Variants in GAREM1 observed in about 807,000 individuals in gnomAD.
GAREM1 encodes the protein GRB2 associated regulator of MAPK1 subtype 1, also known as GRB2-associated and regulator of MAPK protein 1.
A neutral mutation model predicts 71.3 loss-of-function variants in GAREM1; 26 were observed. That is an observed-to-expected ratio of 0.36 (90% CI 0.27 to 0.51). GAREM1 has a LOEUF of 0.51. Among genes scored for constraint, GAREM1 ranks in the 20% least tolerant of loss-of-function variants. The probability of loss-of-function intolerance (pLI) is 0.95; values close to 1 mark genes in which losing one functional copy is unlikely to be tolerated. For synonymous variants in GAREM1, 440 were observed against 433.2 expected (o/e 1.02, Z -0.20); for missense variants, 1,026 against 1,103.1 (o/e 0.93, Z 0.99).
chr18:32,399,619 A>G (rs962302348), intron 1 of GAREM1, among the ~76,000 whole-genome samples: 1 of 152,104 alleles, frequency 6.6e-6, no homozygotes. Flanking sequence ...TTAGAAGGGA[A>G]GTGAAGGACC....
At chr18:32,450,048 C>G (rs970906072) in intron 1 of GAREM1, among the ~76,000 whole-genome samples, 1 of 152,168 alleles carries the variant, frequency 6.6e-6, no homozygotes, top group African/African-American at 2.4e-5. Context: ...TAACTACCTC[C>G]CTTTGCCAGT....
chr18:32,398,917 G>A (rs1294268302), intron 1 of GAREM1, among the ~76,000 whole-genome samples: 1 of 152,196 alleles, frequency 6.6e-6, no homozygotes, highest in Non-Finnish European at 1.5e-5. Context: ...AAAATCCTCA[G>A]TAAAATACTG....
At chr18:32,280,404 AG>A in intron 4 of GAREM1, among the ~76,000 whole-genome samples, 1 of 152,298 alleles carries the variant, frequency 6.6e-6, no homozygotes, top group Non-Finnish European at 1.5e-5. Flanking sequence ...AGCCCGAGGA[AG>A]GGAGTCAGTT....
intron 3 of GAREM1, among the ~76,000 whole-genome samples, chr18:32,301,512 C>T (rs2047201956): frequency 8.2e-6 from 1 of 121,788 alleles, no homozygotes; most frequent in Admixed American, 7.5e-5. Context: ...CACATGTGCT[C>T]TGAGTTCCTG....
chr18:32,419,965 G>A (rs893689962), intron 1 of GAREM1, among the ~76,000 whole-genome samples: 1 of 152,164 alleles, frequency 6.6e-6, no homozygotes, highest in Non-Finnish European at 1.5e-5. Context: ...CCTAAGGTGA[G>A]TGGAAGAGCC....
chr18:32,430,331 A>G (rs2144255834), intron 1 of GAREM1, among the ~76,000 whole-genome samples: 1 of 152,346 alleles, frequency 6.6e-6, no homozygotes, highest in African/African-American at 2.4e-5. Flanking sequence ...GTAGTTTTAG[A>G]AACAGTGTTT....
At chr18:32,457,288 T>G (rs965494473) in intron 1 of GAREM1, among the ~76,000 whole-genome samples, 2 of 150,428 alleles carry the variant, frequency 1.3e-5, no homozygotes, top group Non-Finnish European at 3.0e-5. Flanking sequence ...AATCAAAATG[T>G]TGGTGGTTAT....
At chr18:32,446,942 C>T (rs1355895926) in intron 1 of GAREM1, among the ~76,000 whole-genome samples, 1 of 152,188 alleles carries the variant, frequency 6.6e-6, no homozygotes, top group African/African-American at 2.4e-5. Flanking sequence ...AGTAACTGAG[C>T]AGCAGTATCT....
Position 32,464,761 on chromosome 18 carries a change from C to A in GAREM1, c.121+5547G>T, listed in dbSNP as rs184564453. Among the ~76,000 whole-genome samples, 20 of 131,510 alleles carry A rather than the reference C, an allele frequency of 1.5e-4. No homozygotes were observed. The East Asian group carries it at 2.7e-3, about 18-fold the overall frequency. The allele number at this position is 131,510 out of a possible 152,430, so 86.3% of individuals were successfully genotyped here. ...TGCTATACTCTGAAGCCTCCCTCAA[C>A]TGATCCGTATCTACTACAGCCATCT... On this transcript the variant is annotated intron_variant, in intron 1 of 5. Coordinates refer to ENST00000269209, the MANE Select transcript of GAREM1 (RefSeq NM_001242409.2).
At position 32,456,839 on chromosome 18, in the gene GAREM1, G is replaced by A. The variant is rs17811840; in HGVS notation, c.121+13469C>T. On this transcript the variant is annotated intron_variant, in intron 1 of 5. Transcript: ENST00000269209. ...AAAAGAATGAGTATTTTCACATCAC[G>A]GAATATTATGCAGTTGTTATGAATT... 9.3e-4 allele frequency among the ~76,000 whole-genome samples: 142 copies of A among 152,054 alleles called. 1 individual carries two copies. In the East Asian group the frequency reaches 0.017, roughly 18 times the overall value.
At chr18:32,273,224 C>T (rs1331171881) in intron 4 of GAREM1, among the ~76,000 whole-genome samples, 1 of 152,178 alleles carries the variant, frequency 6.6e-6, no homozygotes, top group Non-Finnish European at 1.5e-5. Context: ...ATGCTGGATT[C>T]AATTTAGCAC....
chr18:32,426,254 C>T (rs1304793741), intron 1 of GAREM1, among the ~76,000 whole-genome samples: 2 of 151,900 alleles, frequency 1.3e-5, no homozygotes, highest in African/African-American at 4.8e-5. Flanking sequence ...CTCCTGACCT[C>T]GTGATCCACC....
At chr18:32,313,078 T>C (rs2047339699) in intron 2 of GAREM1, among the ~76,000 whole-genome samples, 1 of 152,166 alleles carries the variant, frequency 6.6e-6, no homozygotes, top group Non-Finnish European at 1.5e-5. Flanking sequence ...TACAGTTGTG[T>C]TTTTGTCCAG....
At position 32,470,564 on chromosome 18, in the gene GAREM1, G is replaced by T. The variant is rs1053227713; in HGVS notation, c.-136C>A. Reference sequence around the variant, plus strand: ...GGGCAGCTCCGGCCGCGGGCAGCCGGGGGGGCGCGGCGACTGGGGCGGCCC... The same window carrying T: ...GGGCAGCTCCGGCCGCGGGCAGCCGTGGGGGCGCGGCGACTGGGGCGGCCC... On this transcript the variant is annotated 5_prime_UTR_variant, in exon 1 of 6. Coordinates refer to ENST00000269209, the MANE Select transcript of GAREM1 (RefSeq NM_001242409.2). This position sits in a 1 kb window ranked among gnomAD's most constrained non-coding sequence, Gnocchi z 4.4. 17 of 530,950 alleles carry T rather than the reference G, an allele frequency of 3.2e-5. No homozygotes were observed. Among genetic ancestry groups the T allele is most frequent in the East Asian group, 1.5e-4 (1 of 6,616 alleles). The allele number at this position is 530,950 out of a possible 1,614,324, so 32.9% of individuals were successfully genotyped here.
chr18:32,451,873 C>T (rs960715311), intron 1 of GAREM1, among the ~76,000 whole-genome samples: 1 of 152,146 alleles, frequency 6.6e-6, no homozygotes, highest in African/African-American at 2.4e-5. Flanking sequence ...AGCCATTTGC[C>T]TGGATAATGA....
chr18:32,412,715 G>A (rs978015594), intron 1 of GAREM1: 28 of 1,456,412 alleles, frequency 1.9e-5, no homozygotes, highest in African/African-American at 7.0e-5. Context: ...AGTCATGGTC[G>A]TCAAAGGTTA....
chr18:32,331,027 T>G (rs1301903921), intron 2 of GAREM1, among the ~76,000 whole-genome samples: 1 of 152,178 alleles, frequency 6.6e-6, no homozygotes, highest in African/African-American at 2.4e-5. Context: ...GCGCTGTAGT[T>G]CACAAAAAGT....
chr18:32,436,589 A>T (rs2048681469), intron 1 of GAREM1, among the ~76,000 whole-genome samples: 1 of 152,338 alleles, frequency 6.6e-6, no homozygotes, highest in South Asian at 2.1e-4. Context: ...GCTGAAGTCA[A>T]ATGTCATTTC....
At chr18:32,300,207 A>G (rs2047185937) in intron 3 of GAREM1, among the ~76,000 whole-genome samples, 1 of 152,228 alleles carries the variant, frequency 6.6e-6, no homozygotes, top group African/African-American at 2.4e-5. Context: ...GAGTAGGTAG[A>G]AAATGCTGGA....
Sources: gnomAD v4.1 joint callset for allele counts (sites outside exome capture counted in the v4.1 genomes callset) on GRCh38, gnomAD v4.1.1 for gene constraint, Gnocchi (gnomAD v3.1) non-coding constraint, MANE v1.5 for transcripts, NCBI Gene and HGNC (gene_info 2026-07-23, HGNC 2026-07-21) for gene names.